ETNK1: variants seen among roughly 807,000 people sequenced by gnomAD.
ETNK1 encodes the protein putative protein product of Nbla10396.
A neutral mutation model predicts 45.1 loss-of-function variants in ETNK1; 8 were observed. The observed-to-expected ratio is 0.18, with a 90% CI of 0.10 to 0.32. The LOEUF is 0.32. ETNK1 is among the 10% of genes least tolerant of loss of function. The probability of loss-of-function intolerance (pLI) is 1.00; values close to 1 mark genes in which losing one functional copy is unlikely to be tolerated. For synonymous variants in ETNK1, 152 were observed against 151.9 expected (o/e 1.00, Z -0.01); for missense variants, 302 against 430.6 (o/e 0.70, Z 2.64).
chr12:22,683,344 T>A (rs772584033), intron 6 of ETNK1, among the ~76,000 whole-genome samples: 1 of 152,018 alleles, frequency 6.6e-6, no homozygotes, highest in Non-Finnish European at 1.5e-5. Context: ...AGCCTTGAAC[T>A]CCTGAGCTCT....
rs139573055 is a variant in ETNK1 at position 22,630,759 on chromosome 12, C to T, written c.156+5173C>T. The stretch of plus-strand genomic sequence containing the variant: ...CCAAGTAGCTTGGATTACAGATGTG[C>T]GCCACCATGCTCAGCTAATTTTTGT... On this transcript the variant is annotated intron_variant, in intron 1 of 7. Coordinates refer to ENST00000266517, the MANE Select transcript of ETNK1 (RefSeq NM_018638.5). Among the ~76,000 whole-genome samples, 514 of 151,776 alleles carry T rather than the reference C, an allele frequency of 3.4e-3. 4 individuals are homozygous for T. Among genetic ancestry groups the T allele is most frequent in the African/African-American group, 0.012 (500 of 41,342 alleles).
intron 5 of ETNK1, among the ~76,000 whole-genome samples, chr12:22,671,560 C>T (rs1003534992): frequency 2.6e-5 from 4 of 152,010 alleles, no homozygotes; most frequent in Admixed American, 6.6e-5. Context: ...AATAGGTGGC[C>T]GGGCGCGGTG....
At chr12:22,656,609 A>C in intron 2 of ETNK1, 1 of 985,298 alleles carries the variant, frequency 1.0e-6, no homozygotes, top group Non-Finnish European at 1.2e-6. Context: ...GCCTCTCTTC[A>C]CACCTGTTCT....
intron 5 of ETNK1, among the ~76,000 whole-genome samples, chr12:22,671,913 A>G (rs938976106): frequency 6.6e-6 from 1 of 151,578 alleles, no homozygotes; most frequent in Admixed American, 6.6e-5. Flanking sequence ...GAGATCAGAC[A>G]TAGCATAAGG....
At chr12:22,626,426 C>CA (rs76724285) in intron 1 of ETNK1, among the ~76,000 whole-genome samples, 264 of 150,474 alleles carry the variant, frequency 1.8e-3, no homozygotes, top group East Asian at 2.7e-3. Context: ...CCCTTGCAAA[C>CA]AAAAAAAAAC....
At chr12:22,629,044 G>A (rs552750004) in intron 1 of ETNK1, among the ~76,000 whole-genome samples, 1 of 152,158 alleles carries the variant, frequency 6.6e-6, no homozygotes, top group South Asian at 2.1e-4. Flanking sequence ...AGTATCCTGA[G>A]CTGTAAAATT....
intron 2 of ETNK1, among the ~76,000 whole-genome samples, chr12:22,652,661 A>G (rs1410759061): frequency 3.9e-5 from 6 of 152,276 alleles, no homozygotes; most frequent in Admixed American, 1.3e-4. Flanking sequence ...CACCTATTCA[A>G]GTCCTTTGCC....
intron 4 of ETNK1, among the ~76,000 whole-genome samples, chr12:22,666,075 A>G (rs757107640): frequency 1.3e-5 from 2 of 152,198 alleles, no homozygotes; most frequent in Non-Finnish European, 2.9e-5. Context: ...ACAGATAGGC[A>G]TCACGGGAAG....
At chr12:22,667,233 G>T (rs1337081087) in intron 4 of ETNK1, among the ~76,000 whole-genome samples, 1 of 152,066 alleles carries the variant, frequency 6.6e-6, no homozygotes, top group African/African-American at 2.4e-5. Flanking sequence ...TCTTGTACTT[G>T]AATAAAAATG....
Position 22,684,521 on chromosome 12 carries a change from A to G in ETNK1, c.984A>G (p.Gln328=), listed in dbSNP as rs1303950495. 1 of 1,611,334 alleles carries G rather than the reference A, an allele frequency of 6.2e-7. No homozygotes were observed. The highest frequency in any genetic ancestry group is 2.2e-5 in the East Asian group (1 of 44,792). ...HFFWGLWALI[Q]AKYSTIEFDF... is the part of the protein sequence containing the mutation. ...TTTGGGGATTGTGGGCTTTGATTCA[A>G]GCCAAATACTCCACTATTGAGTTTG... The change falls in exon 7 of 8, where the codon CAA becomes CAG. Residue 328 remains glutamine (Q), a synonymous_variant. Coordinates refer to ENST00000266517, the MANE Select transcript of ETNK1 (RefSeq NM_018638.5).
chr12:22,681,031 T>C (rs1954210424), intron 6 of ETNK1, among the ~76,000 whole-genome samples: 1 of 152,066 alleles, frequency 6.6e-6, no homozygotes, highest in Non-Finnish European at 1.5e-5. Flanking sequence ...GACTTACATA[T>C]CCATAACTTC....
At chr12:22,675,457 G>T (rs955348815) in intron 6 of ETNK1, among the ~76,000 whole-genome samples, 8 of 151,622 alleles carry the variant, frequency 5.3e-5, no homozygotes, top group African/African-American at 1.9e-4. Flanking sequence ...CTGAGCACAA[G>T]GGGTTCTCCC....
chr12:22,657,685 T>A (rs1039713935), intron 2 of ETNK1, among the ~76,000 whole-genome samples: 8 of 152,178 alleles, frequency 5.3e-5, no homozygotes. Context: ...GGGTAATATG[T>A]GCTGAACCAG....
intron 1 of ETNK1, among the ~76,000 whole-genome samples, chr12:22,643,274 G>T (rs1408461573): frequency 6.6e-6 from 1 of 152,002 alleles, no homozygotes; most frequent in Non-Finnish European, 1.5e-5. Context: ...ACAAATCTAT[G>T]AATGTTGTTA....
intron 2 of ETNK1, among the ~76,000 whole-genome samples, chr12:22,653,012 A>G (rs762012912): frequency 5.9e-5 from 9 of 152,100 alleles, no homozygotes; most frequent in Non-Finnish European, 1.2e-4. Context: ...TAGTTTTCAT[A>G]TATGGTGTAA....
chr12:22,677,148 A>G (rs1954170362), intron 6 of ETNK1, among the ~76,000 whole-genome samples: 2 of 152,098 alleles, frequency 1.3e-5, no homozygotes, highest in South Asian at 4.1e-4. Context: ...TTTAGGTCTT[A>G]TGTTTAAGTC....
At position 22,643,837 on chromosome 12, in the gene ETNK1, G is replaced by A. The variant is rs1390918308; in HGVS notation, c.231G>A (p.Val77=). ...VGNTMEDVVL[V]RIYGNKTELL... ...ACACCATGGAGGATGTAGTCCTGGT[G>A]AGAATTTATGGCAATAAGACTGAGT... The change falls in exon 2 of 8, where the codon GTG becomes GTA. Residue 77 remains valine, a synonymous_variant. Coordinates refer to ENST00000266517, the MANE Select transcript of ETNK1 (RefSeq NM_018638.5). 1 of 1,613,450 alleles carries A rather than the reference G, an allele frequency of 6.2e-7. No homozygotes were observed.
At chr12:22,648,891 T>A (rs1313260005) in intron 2 of ETNK1, among the ~76,000 whole-genome samples, 1 of 152,112 alleles carries the variant, frequency 6.6e-6, no homozygotes, top group Non-Finnish European at 1.5e-5. Flanking sequence ...TTGGGTGTTA[T>A]AAGTGTTTTG....
chr12:22,625,666 C>A, intron 1 of ETNK1, 80 bp downstream of exon 1: 2 of 1,509,274 alleles, frequency 1.3e-6, no homozygotes, highest in Admixed American at 2.0e-5. Flanking sequence ...GCCTCTGTCC[C>A]ACGATGACCG....
Sources: gnomAD v4.1 joint callset for allele counts (sites outside exome capture counted in the v4.1 genomes callset) on GRCh38, gnomAD v4.1.1 for gene constraint, MANE v1.5 for transcripts, NCBI Gene and HGNC (gene_info 2026-07-23, HGNC 2026-07-21) for gene names.